Variants in EYA1 observed in about 807,000 individuals in gnomAD.
EYA1 encodes the protein protein phosphatase EYA1.
In EYA1, 16 loss-of-function variants were observed where a neutral mutation model predicts 82.0. The observed-to-expected ratio is 0.20, with a 90% CI of 0.13 to 0.30. The LOEUF (loss-of-function observed/expected upper bound fraction) is 0.30. EYA1 is among the 10% of genes least tolerant of loss of function. The probability of loss-of-function intolerance (pLI) is 1.00; values close to 1 mark genes in which losing one functional copy is unlikely to be tolerated. For missense variants in EYA1, 633 were observed against 730.7 expected, an observed-to-expected ratio of 0.87 and a Z score of 1.54; for synonymous variants, 261 against 264.4, an observed-to-expected ratio of 0.99 and a Z score of 0.12.
chr8:71,542,327 T>C (rs1815204604), intron 1 of EYA1, among the ~76,000 whole-genome samples: 1 of 152,214 alleles, frequency 6.6e-6, no homozygotes, highest in African/African-American at 2.4e-5. Flanking sequence ...TATTTGGTTT[T>C]CTGTTTCTGC....
intron 2 of EYA1, among the ~76,000 whole-genome samples, chr8:71,423,399 A>G (rs1251124134): frequency 6.6e-6 from 1 of 152,164 alleles, no homozygotes; most frequent in Non-Finnish European, 1.5e-5. Flanking sequence ...AAATATTTTT[A>G]TCTTTATATT....
chr8:71,317,703 T>C lies in EYA1; in HGVS notation c.419-14A>G, dbSNP rs775280174. On this transcript the variant is annotated splice_polypyrimidine_tract_variant and intron_variant, in intron 6 of 17. Coordinates refer to ENST00000340726, the MANE Select transcript of EYA1 (RefSeq NM_000503.6). ...CCCACAATGCACCTAAATCAGTTAG[T>C]GATAGCTTATCTATCTGTCCATTTT... 3.1e-6 allele frequency: 5 copies of C among 1,613,736 alleles called. No homozygotes were observed. In the South Asian group the frequency reaches 5.5e-5, roughly 18 times the overall value.
At chr8:71,397,506 C>A (rs1829698498) in intron 2 of EYA1, among the ~76,000 whole-genome samples, 1 of 152,012 alleles carries the variant, frequency 6.6e-6, no homozygotes, top group Admixed American at 6.6e-5. Context: ...TCTCTCAGCA[C>A]TTATTTGTCT....
rs549503030 is a variant in EYA1, at chr8:71,413,725, C to T, written c.34-57214G>A. 5.5e-4 allele frequency among the ~76,000 whole-genome samples: 84 copies of T among 152,266 alleles called. 1 individual carries two copies. Among genetic ancestry groups the T allele is most frequent in the African/African-American group, 1.9e-3 (80 of 41,550 alleles). On this transcript the variant is annotated intron_variant, in intron 2 of 18. Coordinates refer to the EYA1 transcript ENST00000643681. ...GTTGTGTTTCGTTTTGCTTTGTTTT[C>T]GCTTGACAGCAGTGCTGTAATTGTG...
chr8:71,282,233 G>T (rs770534771), intron 9 of EYA1, among the ~76,000 whole-genome samples: 1 of 152,074 alleles, frequency 6.6e-6, no homozygotes, highest in African/African-American at 2.4e-5. Flanking sequence ...TCCAGTCCAC[G>T]TTCCCTTTAC....
intron 2 of EYA1, among the ~76,000 whole-genome samples, chr8:71,439,383 G>C (rs988107527): frequency 3.3e-5 from 5 of 152,104 alleles, no homozygotes; most frequent in African/African-American, 1.2e-4. Flanking sequence ...GGGGGTAAAG[G>C]GGGTATGGAA....
At chr8:71,406,841 GC>G (rs1253276034) in intron 2 of EYA1, among the ~76,000 whole-genome samples, 3 of 144,742 alleles carry the variant, frequency 2.1e-5, no homozygotes, top group African/African-American at 7.6e-5. Flanking sequence ...AAACAAAGCA[GC>G]CGGGAAGCTC....
At chr8:71,523,595 T>G (rs1807676764) in intron 2 of EYA1, among the ~76,000 whole-genome samples, 1 of 152,208 alleles carries the variant, frequency 6.6e-6, no homozygotes, top group South Asian at 2.1e-4. Flanking sequence ...AGGACTCTAA[T>G]GCTCAAAGTA....
chr8:71,379,143 T>C (rs1828547071), intron 2 of EYA1, among the ~76,000 whole-genome samples: 1 of 151,900 alleles, frequency 6.6e-6, no homozygotes, highest in South Asian at 2.1e-4. Context: ...TATGTGAGGA[T>C]GAGGAGGCCA....
Position 71,216,733 on chromosome 8 carries a change from C to G in EYA1, c.1319G>C (p.Arg440Pro). The G allele has an allele frequency of 6.2e-7, 1 of 1,613,472 alleles. No homozygotes were observed. Residue 440 changes from arginine to proline, a missense_variant, in exon 14 of 18, where the codon CGG becomes CCG. Transcript: ENST00000340726. ...WMRKLAFRYR[R>P]VKEIYNTYKN... is the part of the protein sequence containing the mutation. ...GTAGGTGTTGTAGATCTCTTTTACC[C>G]GTCTGTAGCGGAAGGCCAACTTTCT...
intron 2 of EYA1, among the ~76,000 whole-genome samples, chr8:71,373,399 G>T (rs1431627509): frequency 6.6e-6 from 1 of 152,004 alleles, no homozygotes; most frequent in African/African-American, 2.4e-5. Context: ...GCATCAAAAA[G>T]AATGAAATGC....
intron 4 of EYA1, among the ~76,000 whole-genome samples, chr8:71,323,643 C>T (rs955669854): frequency 6.6e-6 from 1 of 152,220 alleles, no homozygotes; most frequent in Admixed American, 6.5e-5. Flanking sequence ...AGCATCTGTA[C>T]TGAAGAGATG....
At chr8:71,402,670 A>G (rs1210477251) in intron 2 of EYA1, among the ~76,000 whole-genome samples, 1 of 152,200 alleles carries the variant, frequency 6.6e-6, no homozygotes, top group African/African-American at 2.4e-5. Context: ...TTTGCATTGA[A>G]GAGTAGGGCA....
intron 2 of EYA1, among the ~76,000 whole-genome samples, chr8:71,524,588 A>G (rs1247980284): frequency 2.0e-5 from 3 of 152,220 alleles, no homozygotes; most frequent in Non-Finnish European, 4.4e-5. Flanking sequence ...ATCATCACAT[A>G]CTATATACTT....
intron 2 of EYA1, among the ~76,000 whole-genome samples, chr8:71,400,931 A>T (rs1282269592): frequency 3.9e-5 from 6 of 152,212 alleles, no homozygotes; most frequent in Non-Finnish European, 8.8e-5. Flanking sequence ...TGTGGTACGT[A>T]TACACCATGG....
At chr8:71,250,968 A>T (rs148370214) in intron 11 of EYA1, among the ~76,000 whole-genome samples, 6 of 152,358 alleles carry the variant, frequency 3.9e-5, no homozygotes, top group Non-Finnish European at 8.8e-5. Context: ...CTAGGGAAAA[A>T]ATGGGCACTT....
At chr8:71,334,241 A>G (rs1018110501) in intron 3 of EYA1, 67 bp from the exon 4 acceptor site, 17 of 1,166,720 alleles carry the variant, frequency 1.5e-5, no homozygotes, top group Non-Finnish European at 2.2e-5. Flanking sequence ...GGAAGAGAAG[A>G]TATAACATTC....
At position 71,217,763 on chromosome 8, in the gene EYA1, A is replaced by G. The variant is rs1035053183; in HGVS notation, c.1141-740T>C. ...ACTGGATTTATGAGTTTATTATGGC[A>G]TAATGTTATTTTGAACAGATCTTAT... On this transcript the variant is annotated intron_variant, in intron 12 of 17. Coordinates refer to ENST00000340726, the MANE Select transcript of EYA1 (RefSeq NM_000503.6). Among the ~76,000 whole-genome samples, 3 of 152,296 alleles carry G rather than the reference A, an allele frequency of 2.0e-5. 1 individual carries two copies. The South Asian group carries it at 6.2e-4, about 32-fold the overall frequency.
At chr8:71,547,273 G>A (rs1020266536) in intron 1 of EYA1, among the ~76,000 whole-genome samples, 2 of 152,268 alleles carry the variant, frequency 1.3e-5, no homozygotes, top group East Asian at 3.9e-4. Context: ...TCGAGCTCAC[G>A]CACATGTCTA....
Sources: gnomAD v4.1 joint callset for allele counts (sites outside exome capture counted in the v4.1 genomes callset) on GRCh38, gnomAD v4.1.1 for gene constraint, MANE v1.5 for transcripts, NCBI Gene and HGNC (gene_info 2026-07-23, HGNC 2026-07-21) for gene names.